TNRC6A: variants seen among roughly 807,000 people sequenced by gnomAD.
TNRC6A encodes the protein trinucleotide repeat-containing gene 6A protein.
TNRC6A carries 44 observed loss-of-function variants against 221.2 expected under a neutral mutation model. The ratio of observed to expected loss-of-function variants is 0.20; its 90% CI spans 0.16 to 0.26. The LOEUF (loss-of-function observed/expected upper bound fraction) is 0.26. Ranked by LOEUF, TNRC6A falls within the 10% of genes least tolerant of loss-of-function variation. The pLI is 1.00. For synonymous variants in TNRC6A, 847 were observed against 838.5 expected (o/e 1.01, Z -0.18); for missense variants, 2,199 against 2,404.4 (o/e 0.91, Z 1.79).
chr16:24,763,294 A>G (rs1224593842), intron 4 of TNRC6A, among the ~76,000 whole-genome samples: 1 of 152,226 alleles, frequency 6.6e-6, no homozygotes, highest in Non-Finnish European at 1.5e-5. Flanking sequence ...CCTTCATTTC[A>G]TCATTCTTCA....
At position 24,685,705 on chromosome 16, in the gene TNRC6A, C is replaced by T. The variant is rs548636269; in HGVS notation, n.402+44696C>T. On this transcript the variant is annotated intron_variant and non_coding_transcript_variant, in intron 2 of 2. Transcript: ENST00000566108. ...CTGAAAATGTCTTAAATTCTGGTGCCACTACCAACTATCTGGTGCCCTTGG... is the reference window on the plus strand; with the variant it reads ...CTGAAAATGTCTTAAATTCTGGTGCTACTACCAACTATCTGGTGCCCTTGG... Among the ~76,000 whole-genome samples, 8 of 152,310 alleles carry T rather than the reference C, an allele frequency of 5.3e-5. No homozygotes were observed. In the South Asian group the frequency reaches 1.7e-3, roughly 32 times the overall value.
At chr16:24,640,053 A>G (rs1293003682) in intron 1 of TNRC6A, among the ~76,000 whole-genome samples, 1 of 152,206 alleles carries the variant, frequency 6.6e-6, no homozygotes, top group Non-Finnish European at 1.5e-5. Context: ...GCAGACATAG[A>G]TGAGAGCAAG....
At chr16:24,820,970 C>T (rs1411261527) in intron 22 of TNRC6A, among the ~76,000 whole-genome samples, 1 of 152,202 alleles carries the variant, frequency 6.6e-6, no homozygotes, top group Non-Finnish European at 1.5e-5. Flanking sequence ...TTCACTCTAC[C>T]TTGCCTGCAA....
chr16:24,800,704 G>T (rs2058314567), intron 11 of TNRC6A, among the ~76,000 whole-genome samples: 1 of 152,164 alleles, frequency 6.6e-6, no homozygotes, highest in African/African-American at 2.4e-5. Flanking sequence ...CTGGGAAAAG[G>T]CATTCATGGA....
At chr16:24,775,393 GAAA>G (rs951263993) in intron 4 of TNRC6A, among the ~76,000 whole-genome samples, 3 of 148,214 alleles carry the variant, frequency 2.0e-5, no homozygotes, top group African/African-American at 7.4e-5. Flanking sequence ...AAGTCACATG[GAAA>G]AAAAAAAAGA....
intron 6 of TNRC6A, among the ~76,000 whole-genome samples, chr16:24,792,162 G>T (rs2058116239): frequency 6.6e-6 from 1 of 152,070 alleles, no homozygotes; most frequent in Admixed American, 6.6e-5. Context: ...AATAAAACAA[G>T]TATCTCATAA....
chr16:24,703,035 AAAAATAAAATAAAATAAAATAAAAT>A (rs71156434), intron 2 of TNRC6A, among the ~76,000 whole-genome samples: 7 of 147,786 alleles, frequency 4.7e-5, no homozygotes, highest in African/African-American at 1.0e-4. Flanking sequence ...ACTCTGTGTC[AAAAATAAAATAAAATAAAATAAAAT>A]AAAATAAAAT....
At chr16:24,614,821 G>A (rs1900257539) in intron 1 of TNRC6A, among the ~76,000 whole-genome samples, 1 of 152,342 alleles carries the variant, frequency 6.6e-6, no homozygotes, top group East Asian at 1.9e-4. Flanking sequence ...TGTAATCCCA[G>A]CACTTTGGGA....
intron 2 of TNRC6A, among the ~76,000 whole-genome samples, chr16:24,683,592 C>T (rs576377172): frequency 6.6e-6 from 1 of 152,202 alleles, no homozygotes; most frequent in African/African-American, 2.4e-5. Flanking sequence ...CAGCCACCCT[C>T]TTCCCCATGG....
chr16:24,765,384 T>C (rs2057451123), intron 4 of TNRC6A, among the ~76,000 whole-genome samples: 1 of 151,854 alleles, frequency 6.6e-6, no homozygotes, highest in African/African-American at 2.4e-5. Flanking sequence ...TCCCAGAGAG[T>C]CAAGTCTAGT....
At chr16:24,684,861 G>A (rs1009028679) in intron 2 of TNRC6A, among the ~76,000 whole-genome samples, 12 of 152,114 alleles carry the variant, frequency 7.9e-5, no homozygotes, top group East Asian at 1.9e-4. Context: ...AAAAGCAGCC[G>A]GTGTCAGGCA....
intron 2 of TNRC6A, among the ~76,000 whole-genome samples, chr16:24,744,933 T>G (rs2056971093): frequency 6.6e-6 from 1 of 152,220 alleles, no homozygotes; most frequent in Non-Finnish European, 1.5e-5. Flanking sequence ...TTTTGTTTTG[T>G]TTTTCCAGTT....
chr16:24,791,811 G>C lies in TNRC6A; in HGVS notation c.3169G>C (p.Gly1057Arg). 1 of 1,530,928 alleles carries C rather than the reference G, an allele frequency of 6.5e-7. No homozygotes were observed. The highest frequency in any genetic ancestry group is 8.7e-7 in the Non-Finnish European group (1 of 1,144,414). The allele number at this position is 1,530,928 out of a possible 1,614,324, so 94.8% of individuals were successfully genotyped here. ...CATCTCAAACAAAGAGGCAAGCAGT[G>C]GCTCTGGTAAGTTTCTATTTTATGA... ...SAISNKEASS[G>R]SGWGEPWGEP... is the part of the protein sequence containing the mutation. The change falls in exon 6 of 25, where the codon GGC (glycine) becomes CGC (arginine). Residue 1057 changes from glycine to arginine, a missense_variant. Gly to Arg is a moderately radical substitution (Grantham distance 125). Coordinates refer to ENST00000395799, the MANE Select transcript of TNRC6A (RefSeq NM_014494.4).
At chr16:24,705,193 A>G (rs1016219744) in intron 2 of TNRC6A, among the ~76,000 whole-genome samples, 15 of 152,174 alleles carry the variant, frequency 9.9e-5, no homozygotes, top group African/African-American at 3.4e-4. Flanking sequence ...AGAGGCAGCA[A>G]CCAAGGCACA....
Position 24,823,791 on chromosome 16 carries a change from G to A in TNRC6A, c.5873G>A (p.Gly1958Asp). Residue 1958 changes from glycine (G) to aspartate (D), a missense_variant, in exon 25 of 25, where the codon GGT becomes GAT. Coordinates refer to ENST00000395799, the MANE Select transcript of TNRC6A (RefSeq NM_014494.4). This position sits in a 1 kb window ranked among gnomAD's most constrained non-coding sequence, Gnocchi z 4.3. ...AFLSVDHLGG[G>D]GESM ...CTTTCTGTTGACCACCTGGGTGGGGGTGGAGAGTCCATGTAACAGTGTAGA... is the reference window on the plus strand; with the variant it reads ...CTTTCTGTTGACCACCTGGGTGGGGATGGAGAGTCCATGTAACAGTGTAGA... 6 of 1,474,798 alleles carry A rather than the reference G, an allele frequency of 4.1e-6. No individual in the cohort carries two copies. Among genetic ancestry groups the A allele is most frequent in the Non-Finnish European group, 5.4e-6 (6 of 1,112,176 alleles). The allele number at this position is 1,474,798 out of a possible 1,614,324, so 91.4% of individuals were successfully genotyped here. A position where few individuals can be genotyped will look rare whatever the true frequency, so the allele number is the denominator to read the frequency against.
At chr16:24,660,020 G>A (rs1334326479) in intron 2 of TNRC6A, among the ~76,000 whole-genome samples, 1 of 152,084 alleles carries the variant, frequency 6.6e-6, no homozygotes, top group Non-Finnish European at 1.5e-5. Context: ...TAGTCTTGGT[G>A]TCTGTTGGAA....
chr16:24,702,145 G>T (rs141719923), intron 2 of TNRC6A, among the ~76,000 whole-genome samples: 3 of 121,232 alleles, frequency 2.5e-5, no homozygotes, highest in Non-Finnish European at 3.5e-5. Flanking sequence ...TCCACATTTC[G>T]CGTGTAAACT....
At chr16:24,656,399 G>C (rs574431786) in intron 2 of TNRC6A, among the ~76,000 whole-genome samples, 2 of 150,334 alleles carry the variant, frequency 1.3e-5, no homozygotes, top group Non-Finnish European at 3.0e-5. Context: ...CCCGGGAGGC[G>C]GAGGTTGCAG....
At chr16:24,767,578 A>G (rs531024741) in intron 4 of TNRC6A, among the ~76,000 whole-genome samples, 25 of 152,292 alleles carry the variant, frequency 1.6e-4, no homozygotes, top group Admixed American at 3.3e-4. Context: ...TGCTGAGAAA[A>G]CATACCATTT....
Sources: allele counts gnomAD v4.1 joint callset (sites outside exome capture counted in the v4.1 genomes callset), GRCh38; gene constraint gnomAD v4.1.1; non-coding constraint Gnocchi (gnomAD v3.1); transcripts MANE v1.5; gene names NCBI Gene and HGNC (gene_info 2026-07-23, HGNC 2026-07-21).